Variants in NOSTRIN observed in about 807,000 individuals in gnomAD.
NOSTRIN encodes the protein nitric oxide synthase trafficking, also known as BM247 homolog.
A neutral mutation model predicts 59.0 loss-of-function variants in NOSTRIN; 63 were observed. That is an observed-to-expected ratio of 1.07 (90% CI 0.87 to 1.32). NOSTRIN has a LOEUF of 1.32. Ranked by LOEUF, NOSTRIN falls within the 40% of genes most tolerant of loss-of-function variation. The pLI, the probability that NOSTRIN is intolerant of heterozygous loss-of-function variation, is 0.00. For synonymous variants in NOSTRIN, 200 were observed against 165.4 expected (o/e 1.21, Z -1.61); for missense variants, 512 against 473.1 (o/e 1.08, Z -0.76).
intron 1 of NOSTRIN, among the ~76,000 whole-genome samples, chr2:168,787,221 G>C (rs140881096): frequency 6.6e-6 from 1 of 152,270 alleles, no homozygotes; most frequent in Non-Finnish European, 1.5e-5. Flanking sequence ...GCGTGAAGCA[G>C]TGAGGCAGCC....
chr2:168,824,999 T>G (rs555958549), intron 3 of NOSTRIN, among the ~76,000 whole-genome samples: 110 of 152,222 alleles, frequency 7.2e-4, no homozygotes, highest in Middle Eastern at 3.4e-3. Flanking sequence ...GCTCAAGTAA[T>G]CCTCCTGCCT....
chr2:168,838,804 T>TTTTTTA (rs1687890154), intron 7 of NOSTRIN, among the ~76,000 whole-genome samples: 1 of 151,166 alleles, frequency 6.6e-6, no homozygotes, highest in African/African-American at 2.4e-5. Flanking sequence ...TTTTTTTTTT[T>TTTTTTA]GAGACGGAGT....
At chr2:168,813,304 G>A (rs1359518133) in intron 2 of NOSTRIN, among the ~76,000 whole-genome samples, 2 of 152,136 alleles carry the variant, frequency 1.3e-5, no homozygotes, top group Non-Finnish European at 2.9e-5. Flanking sequence ...ATTATTTGGT[G>A]TCTGAGAGTT....
intron 2 of NOSTRIN, among the ~76,000 whole-genome samples, chr2:168,816,320 C>A (rs1172651224): frequency 6.6e-6 from 1 of 152,118 alleles, no homozygotes; most frequent in Non-Finnish European, 1.5e-5. Context: ...TTCAAAGACT[C>A]CTATGACCTT....
chr2:168,834,331 C>T lies in NOSTRIN; in HGVS notation c.504+6C>T, dbSNP rs1397201774. On this transcript the variant is annotated splice_donor_region_variant and intron_variant, in intron 7 of 15. Coordinates refer to ENST00000317647, the MANE Select transcript of NOSTRIN (RefSeq NM_001039724.4). ...CTGAGAAGGAGAAGCGGAAGGTAAGCTGTCATGGCTGGCTGGGCGCATGTG... is the reference window on the plus strand; with the variant it reads ...CTGAGAAGGAGAAGCGGAAGGTAAGTTGTCATGGCTGGCTGGGCGCATGTG... 1.1e-6 allele frequency: 1 copy of T among 872,258 alleles called. No individual in the cohort carries two copies. Among genetic ancestry groups the T allele is most frequent in the Non-Finnish European group, 2.0e-6 (1 of 501,280 alleles). 54.0% of individuals were successfully genotyped at this position (872,258 alleles called of 1,614,324 possible).
chr2:168,790,589 A>G (rs1685321956), intron 2 of NOSTRIN, among the ~76,000 whole-genome samples: 1 of 152,252 alleles, frequency 6.6e-6, no homozygotes, highest in African/African-American at 2.4e-5. Flanking sequence ...GACGTTACAT[A>G]AAATAATTAA....
At chr2:168,850,836 G>A in intron 8 of NOSTRIN, 1 of 789,558 alleles carries the variant, frequency 1.3e-6, no homozygotes, top group Non-Finnish European at 2.1e-6. Context: ...ATAAACTTAG[G>A]TAACCCACAG....
intron 1 of NOSTRIN, 72 bp downstream of exon 1, chr2:168,802,745 T>A (rs1185427954): frequency 2.4e-6 from 2 of 837,918 alleles, no homozygotes; most frequent in African/African-American, 3.3e-5. Flanking sequence ...ATTAATGGAT[T>A]TTAACTTAAG....
intron 7 of NOSTRIN, among the ~76,000 whole-genome samples, 176 bp downstream of exon 7, chr2:168,834,501 G>GCACACA (rs1425272036): frequency 1.5e-3 from 167 of 110,734 alleles, no homozygotes; most frequent in Admixed American, 4.6e-3. Flanking sequence ...GCGCGCGCGC[G>GCACACA]CGCGCGCACA....
chr2:168,859,455 C>A, intron 12 of NOSTRIN, 57 bp from the exon 13 acceptor site: 1 of 1,600,162 alleles, frequency 6.2e-7, no homozygotes, highest in South Asian at 1.1e-5. Context: ...ATATTCCTAT[C>A]CAGTTGTGCC....
At chr2:168,851,034 C>T in intron 8 of NOSTRIN, 50 bp from the exon 9 acceptor site, 3 of 1,064,224 alleles carry the variant, frequency 2.8e-6, no homozygotes, top group African/African-American at 1.5e-5. Context: ...GAGTGACTTC[C>T]ATTTTGCATA....
intron 2 of NOSTRIN, among the ~76,000 whole-genome samples, chr2:168,820,709 A>G (rs1686684674): frequency 1.2e-5 from 1 of 86,418 alleles, no homozygotes; most frequent in Non-Finnish European, 2.4e-5. Flanking sequence ...GCACAGGAGA[A>G]AAGCTGGCCA....
chr2:168,856,471 A>G lies in NOSTRIN; in HGVS notation c.965-219A>G, dbSNP rs185611802. The G allele has an allele frequency of 1.5e-4, 80 of 530,980 alleles. 1 individual carries two copies. In the East Asian group the frequency reaches 1.7e-3, roughly 11 times the overall value. 32.9% of individuals were successfully genotyped at this position (530,980 alleles called of 1,614,324 possible). On this transcript the variant is annotated intron_variant, in intron 11 of 15. Coordinates refer to ENST00000317647, the MANE Select transcript of NOSTRIN (RefSeq NM_001039724.4). ...ACACCTGTAATCCCAGCTACTCAAG[A>G]GGCTGAGGGAGGAGAATTGTTTGAA...
At chr2:168,836,245 AT>A (rs985342774) in intron 7 of NOSTRIN, among the ~76,000 whole-genome samples, 47 of 152,364 alleles carry the variant, frequency 3.1e-4, no homozygotes, top group African/African-American at 1.1e-3. Context: ...CTGCCTAGGC[AT>A]TCTGAGTGCT....
At chr2:168,792,170 GT>G (rs1685374019) in intron 2 of NOSTRIN, among the ~76,000 whole-genome samples, 1 of 151,978 alleles carries the variant, frequency 6.6e-6, no homozygotes, top group African/African-American at 2.4e-5. Flanking sequence ...AAATATATTT[GT>G]TTTCAAAATC....
intron 10 of NOSTRIN, among the ~76,000 whole-genome samples, chr2:168,854,053 G>A (rs1449054653): frequency 6.6e-6 from 1 of 152,070 alleles, no homozygotes; most frequent in Non-Finnish European, 1.5e-5. Context: ...ATTTTTAGTA[G>A]ACAGAGGGTT....
intron 14 of NOSTRIN, 54 bp downstream of exon 14, chr2:168,860,963 G>GC: frequency 8.7e-7 from 1 of 1,145,304 alleles, no homozygotes; most frequent in Non-Finnish European, 1.3e-6. Context: ...AGGGCACATT[G>GC]CTACATTTAA....
chr2:168,813,985 A>C (rs182475854), intron 2 of NOSTRIN, among the ~76,000 whole-genome samples: 1 of 152,248 alleles, frequency 6.6e-6, no homozygotes, highest in East Asian at 1.9e-4. Context: ...TTGAGCTTTC[A>C]AGTTTCCTCC....
At chr2:168,825,106 CCT>C (rs1686987489) in intron 3 of NOSTRIN, among the ~76,000 whole-genome samples, 1 of 152,220 alleles carries the variant, frequency 6.6e-6, no homozygotes, top group African/African-American at 2.4e-5. Flanking sequence ...ATTCCAGCTT[CCT>C]CTTCTAAACA....
Sources: allele counts gnomAD v4.1 joint callset (sites outside exome capture counted in the v4.1 genomes callset), GRCh38; gene constraint gnomAD v4.1.1; transcripts MANE v1.5; gene names NCBI Gene and HGNC (gene_info 2026-07-23, HGNC 2026-07-21).